The following CDS2 variants were observed in gnomAD, a reference collection of about 807,000 sequenced individuals.
The protein encoded by CDS2 is phosphatidate cytidylyltransferase 2.
A neutral mutation model predicts 59.0 loss-of-function variants in CDS2; 47 were observed. The observed-to-expected ratio is 0.80, with a 90% CI of 0.63 to 1.02. CDS2 has a LOEUF of 1.02. CDS2 is among the 50% of genes least tolerant of loss of function. The pLI is 0.00. For synonymous variants in CDS2, 207 were observed against 206.4 expected, an observed-to-expected ratio of 1.00 and a Z score of -0.02; for missense variants, 356 against 558.9, an observed-to-expected ratio of 0.64 and a Z score of 3.66.
chr20:5,156,504 CTAAGGGG>C, intron 1 of CDS2, among the ~76,000 whole-genome samples: 1 of 152,052 alleles, frequency 6.6e-6, no homozygotes, highest in South Asian at 2.1e-4. Flanking sequence ...GGTCAGCTCA[CTAAGGGG>C]CAGTGTGGAG....
chr20:5,134,918 G>A (rs1354784172), intron 1 of CDS2, among the ~76,000 whole-genome samples: 1 of 152,180 alleles, frequency 6.6e-6, no homozygotes, highest in Admixed American at 6.5e-5. Flanking sequence ...TTCAGAATAT[G>A]TTTGATAAAC....
intron 7 of CDS2, among the ~76,000 whole-genome samples, chr20:5,183,500 A>G (rs6038084): frequency 0.53 from 80,258 of 152,030 alleles, 22,212 homozygotes; most frequent in African/African-American, 0.68. Flanking sequence ...TGATTTCCTG[A>G]CAAAATATAT....
chr20:5,154,048 T>C (rs1232844114), intron 1 of CDS2, among the ~76,000 whole-genome samples: 1 of 152,180 alleles, frequency 6.6e-6, no homozygotes, highest in Non-Finnish European at 1.5e-5. Context: ...CTGTAGGCTT[T>C]TCCTATAGAG....
chr20:5,169,417 T>C (rs906323166), intron 1 of CDS2, among the ~76,000 whole-genome samples: 6 of 152,172 alleles, frequency 3.9e-5, no homozygotes, highest in Non-Finnish European at 8.8e-5. Flanking sequence ...AGCAGGAAAG[T>C]GGGTACTATC....
Position 5,197,646 on chromosome 20 carries a change from C to T in CDS2, c.*7412C>T, listed in dbSNP as rs1211059891. ...CGGTGTGTAGAGTCCACGTGACAGTCCCCACAGCCTCCCCAGATAGCTGTG... is the reference window on the plus strand; with the variant it reads ...CGGTGTGTAGAGTCCACGTGACAGTTCCCACAGCCTCCCCAGATAGCTGTG... On this transcript the variant is annotated 3_prime_UTR_variant, in exon 13 of 13. Transcript: ENST00000460006. The T allele has an allele frequency of 1.3e-5, 2 of 152,074 alleles. No homozygotes were observed. Among genetic ancestry groups the T allele is most frequent in the Non-Finnish European group, 2.9e-5 (2 of 68,012 alleles). 9.4% of individuals were successfully genotyped at this position (152,074 alleles called of 1,614,324 possible).
intron 1 of CDS2, among the ~76,000 whole-genome samples, chr20:5,163,293 C>T (rs1335165678): frequency 6.6e-6 from 1 of 151,902 alleles, no homozygotes. Context: ...CAGAGTTTTG[C>T]TCTTGTTGCC....
intron 2 of CDS2, among the ~76,000 whole-genome samples, chr20:5,173,923 T>C (rs534698521): frequency 3.6e-4 from 55 of 152,196 alleles, no homozygotes; most frequent in African/African-American, 1.3e-3. Context: ...GAAGTGCAGT[T>C]CAAAGAGGAA....
At chr20:5,141,077 C>T (rs1056993840) in intron 1 of CDS2, among the ~76,000 whole-genome samples, 2 of 152,226 alleles carry the variant, frequency 1.3e-5, no homozygotes, top group African/African-American at 4.8e-5. Flanking sequence ...CTCCTCCTCC[C>T]CTTTCTCCTG....
rs916738587 is a variant in CDS2 at position 5,151,747 on chromosome 20, T to A, written c.58-21776T>A. 5.4e-5 allele frequency among the ~76,000 whole-genome samples: 7 copies of A among 130,436 alleles called. 2 individuals carry two copies. The South Asian group carries it at 1.9e-3, about 35-fold the overall frequency. 85.6% of individuals were successfully genotyped at this position (130,436 alleles called of 152,430 possible). A position where few individuals can be genotyped will look rare whatever the true frequency, so the allele number is the denominator to read the frequency against. On this transcript the variant is annotated intron_variant, in intron 1 of 12. Transcript: ENST00000460006. ...GCCACCATGCCTGGCCTAGACTCCA[T>A]GTCTTTTTTTTTTTTTTTTTTTTTT...
At chr20:5,188,543 CTT>C in intron 10 of CDS2, among the ~76,000 whole-genome samples, 1 of 152,318 alleles carries the variant, frequency 6.6e-6, no homozygotes, top group South Asian at 2.1e-4. Context: ...ATTCACTCCT[CTT>C]ATTGATTTAA....
intron 3 of CDS2, 70 bp from the exon 4 acceptor site, chr20:5,176,578 A>T: frequency 1.7e-6 from 2 of 1,203,928 alleles, no homozygotes; most frequent in Non-Finnish European, 2.5e-6. Flanking sequence ...TGGAAGGCTC[A>T]TGACCTGTTG....
At chr20:5,186,003 G>A (rs2091064736) in intron 9 of CDS2, among the ~76,000 whole-genome samples, 177 bp downstream of exon 9, 1 of 152,256 alleles carries the variant, frequency 6.6e-6, no homozygotes, top group Non-Finnish European at 1.5e-5. Context: ...TTTCAGGCAG[G>A]GTGCTAGCAG....
chr20:5,130,487 C>G (rs1173368768), intron 1 of CDS2, among the ~76,000 whole-genome samples: 1 of 151,312 alleles, frequency 6.6e-6, no homozygotes, highest in Non-Finnish European at 1.5e-5. Flanking sequence ...TTTAAAAGCT[C>G]TGGAATAGGC....
rs553190177 is a variant in CDS2 at position 5,127,057 on chromosome 20, G to A, written c.-36G>A. On this transcript the variant is annotated 5_prime_UTR_variant, in exon 1 of 13. Coordinates refer to ENST00000460006, the MANE Select transcript of CDS2 (RefSeq NM_003818.4). ...AGCTGCCTGCTCCGGCGGCTTCGCT[G>A]CTAGCTCGCGGCGACGTCGGGCCGA... The A allele has an allele frequency of 5.4e-6, 8 of 1,487,046 alleles. No homozygotes were observed. The South Asian group carries it at 9.0e-5, about 17-fold the overall frequency. 92.1% of individuals were successfully genotyped at this position (1,487,046 alleles called of 1,614,324 possible). A position where few individuals can be genotyped will look rare whatever the true frequency, so the allele number is the denominator to read the frequency against.
intron 2 of CDS2, among the ~76,000 whole-genome samples, chr20:5,174,575 A>G (rs2090980417): frequency 6.6e-6 from 1 of 152,134 alleles, no homozygotes. Context: ...ATACAAAAAA[A>G]TTAGCTGGGT....
chr20:5,173,469 A>C, intron 1 of CDS2, 54 bp from the exon 2 acceptor site: 1 of 1,603,360 alleles, frequency 6.2e-7, no homozygotes, highest in Non-Finnish European at 8.5e-7. Flanking sequence ...TAGACTTCTC[A>C]ATGGTCTACT....
At position 5,136,488 on chromosome 20, in the gene CDS2, GC is replaced by G. The variant is rs562056455; in HGVS notation, c.57+9341del. Among the ~76,000 whole-genome samples, 29 of 152,248 alleles carry G rather than the reference GC, an allele frequency of 1.9e-4. No homozygotes were observed. The South Asian group carries it at 5.0e-3, about 26-fold the overall frequency. On this transcript the variant is annotated intron_variant, in intron 1 of 12. Transcript: ENST00000460006. ...ATTTCAGGACTGCAGTATTGTAAATGCCTGCAGTATCCTAAATCCGAATTCC... is the reference window on the plus strand; with the variant it reads ...ATTTCAGGACTGCAGTATTGTAAATGCTGCAGTATCCTAAATCCGAATTCC...
intron 1 of CDS2, among the ~76,000 whole-genome samples, chr20:5,162,185 C>T (rs753866601): frequency 3.3e-5 from 5 of 152,062 alleles, no homozygotes; most frequent in Non-Finnish European, 5.9e-5. Context: ...AATTAAGGGT[C>T]GAACATCCCA....
At chr20:5,153,261 C>T (rs968294275) in intron 1 of CDS2, among the ~76,000 whole-genome samples, 24 of 152,150 alleles carry the variant, frequency 1.6e-4, no homozygotes, top group African/African-American at 5.8e-4. Flanking sequence ...TTTTTATGTA[C>T]ACTTTTTATT....
Sources: gnomAD v4.1 joint callset for allele counts (sites outside exome capture counted in the v4.1 genomes callset) on GRCh38, gnomAD v4.1.1 for gene constraint, MANE v1.5 for transcripts, NCBI Gene and HGNC (gene_info 2026-07-23, HGNC 2026-07-21) for gene names.